ARHGAP18: variants seen among roughly 807,000 people sequenced by gnomAD.
ARHGAP18 encodes rho GTPase-activating protein 18.
A neutral mutation model predicts 86.2 loss-of-function variants in ARHGAP18; 67 were observed. The ratio of observed to expected loss-of-function variants is 0.78; its 90% CI spans 0.64 to 0.95. ARHGAP18 has a LOEUF of 0.95. Among genes scored for constraint, ARHGAP18 ranks in the 40% least tolerant of loss-of-function variants. ARHGAP18 has a pLI of 0.00. For missense variants in ARHGAP18, 691 were observed against 780.4 expected (o/e 0.89, Z 1.37); for synonymous variants, 283 against 280.4 (o/e 1.01, Z -0.09).
intron 10 of ARHGAP18, among the ~76,000 whole-genome samples, chr6:129,604,170 T>G (rs1185359330): frequency 6.6e-6 from 1 of 151,528 alleles, no homozygotes; most frequent in East Asian, 1.9e-4. Flanking sequence ...ATTACTTGTT[T>G]GCATCTTCCA....
chr6:129,644,624 T>C (rs1773542987), intron 1 of ARHGAP18, among the ~76,000 whole-genome samples: 1 of 152,222 alleles, frequency 6.6e-6, no homozygotes, highest in South Asian at 2.1e-4. Context: ...CCACAATAAG[T>C]ACTGTAAACT....
intron 6 of ARHGAP18, among the ~76,000 whole-genome samples, chr6:129,617,993 T>C (rs1749092322): frequency 6.6e-6 from 1 of 152,144 alleles, no homozygotes; most frequent in African/African-American, 2.4e-5. Context: ...GAGAATTATG[T>C]GGATTTCAAT....
chr6:129,689,227 T>C (rs9375656), intron 1 of ARHGAP18, among the ~76,000 whole-genome samples: 104,982 of 151,964 alleles, frequency 0.69, 36,774 homozygotes, highest in South Asian at 0.8. Flanking sequence ...TGAGAAGCTC[T>C]GATTTCCCTC....
At chr6:129,633,962 G>T in intron 4 of ARHGAP18, 80 bp downstream of exon 4, 2 of 1,215,838 alleles carry the variant, frequency 1.6e-6, no homozygotes, top group Non-Finnish European at 1.2e-6. Flanking sequence ...AGAATTGAAG[G>T]TAATGTTTTA....
At chr6:129,621,313 A>G (rs1275709529) in intron 5 of ARHGAP18, among the ~76,000 whole-genome samples, 1 of 152,216 alleles carries the variant, frequency 6.6e-6, no homozygotes, top group Non-Finnish European at 1.5e-5. Flanking sequence ...AACTCAATTC[A>G]AAAGAGAGCC....
rs751247222 is a variant in ARHGAP18 at position 129,600,763 on chromosome 6, G to A, written c.1451C>T (p.Pro484Leu). 2.5e-6 allele frequency: 4 copies of A among 1,613,566 alleles called. No individual in the cohort carries two copies. The highest frequency in any genetic ancestry group is 2.2e-5 in the South Asian group (2 of 91,062). ...TVMNVAMVMA[P>L]NLFMCHALGL... ...CAATGCATGACACATAAAGAGATTC[G>A]GGGCCATGACCATTGCTACATTCAT... The change falls in exon 11 of 15, where the codon CCG becomes CTG. Residue 484 changes from proline to leucine, a missense_variant. Physicochemically the swap from Pro to Leu is moderately conservative, Grantham distance 98. Coordinates refer to ENST00000368149, the MANE Select transcript of ARHGAP18 (RefSeq NM_033515.3).
rs765266143 is a variant in ARHGAP18 at position 129,629,530 on chromosome 6, C to G, written c.617-8G>C. On this transcript the variant is annotated splice_region_variant and splice_polypyrimidine_tract_variant and intron_variant, in intron 4 of 14. Coordinates refer to ENST00000368149, the MANE Select transcript of ARHGAP18 (RefSeq NM_033515.3). ...CAAGGTTAGATGCCTCGTCTAGGGG[C>G]CCGGGGGGAAAGAACCCAATTCATA... 281 of 1,599,444 alleles carry G rather than the reference C, an allele frequency of 1.8e-4. No individual in the cohort carries two copies. Among genetic ancestry groups the G allele is most frequent in the Non-Finnish European group, 2.3e-4 (275 of 1,175,792 alleles).
At chr6:129,707,650 G>GTTTTTTTT (rs57719259) in intron 1 of ARHGAP18, among the ~76,000 whole-genome samples, 19 of 107,788 alleles carry the variant, frequency 1.8e-4, no homozygotes, top group Non-Finnish European at 2.7e-4. Flanking sequence ...GTGGTTTCTT[G>GTTTTTTTT]TTTTTTTTTT....
chr6:129,601,280 G>T (rs1429635425), intron 10 of ARHGAP18, among the ~76,000 whole-genome samples: 3 of 152,184 alleles, frequency 2.0e-5, no homozygotes, highest in Non-Finnish European at 4.4e-5. Context: ...ATTTCTTTAA[G>T]GCAATCAATA....
rs1292148798 is a variant in ARHGAP18 at position 129,638,688 on chromosome 6, T to A, written c.317-59A>T. ...CAAAATATAACAACCTTTACATTTT[T>A]TAAGCTGTTAAAAATTCTTACTAAA... On this transcript the variant is annotated intron_variant, in intron 2 of 14. Coordinates refer to ENST00000368149, the MANE Select transcript of ARHGAP18 (RefSeq NM_033515.3). The A allele has an allele frequency of 6.1e-6, 9 of 1,475,964 alleles. No homozygotes were observed. The Admixed American group carries it at 1.9e-4, about 32-fold the overall frequency. 91.4% of individuals were successfully genotyped at this position (1,475,964 alleles called of 1,614,324 possible).
At position 129,607,996 on chromosome 6, in the gene ARHGAP18, A is replaced by G. The variant is rs746644557; in HGVS notation, c.1179T>C (p.Ser393=). Reference sequence around the variant, plus strand: ...GGCTGGCGGCATCATGCTGTTTGACACTTTCCCAATTAAAAGTCCCTTCAT... The same window carrying G: ...GGCTGGCGGCATCATGCTGTTTGACGCTTTCCCAATTAAAAGTCCCTTCAT... ...KFYEGTFNWE[S]VKQHDAASLL... The change falls in exon 9 of 15, where the codon AGT becomes AGC. Residue 393 remains serine, a synonymous_variant. Transcript: ENST00000368149. 24 of 1,605,208 alleles carry G rather than the reference A, an allele frequency of 1.5e-5. No homozygotes were observed. Among genetic ancestry groups the G allele is most frequent in the Middle Eastern group, 3.3e-4 (2 of 6,014 alleles).
intron 5 of ARHGAP18, among the ~76,000 whole-genome samples, chr6:129,626,065 TACACACACACACACAC>T (rs71028169): frequency 7.9e-5 from 8 of 101,532 alleles, no homozygotes; most frequent in African/African-American, 1.1e-4. Context: ...TATACACATA[TACACACACACACACAC>T]ACACACACAC....
intron 1 of ARHGAP18, among the ~76,000 whole-genome samples, chr6:129,691,321 G>A (rs183328887): frequency 2.0e-4 from 30 of 152,266 alleles, no homozygotes; most frequent in Middle Eastern, 3.4e-3. Context: ...TACAGAAAAA[G>A]AAAACTAGTA....
chr6:129,668,228 C>T (rs982177504), intron 1 of ARHGAP18, among the ~76,000 whole-genome samples: 14 of 152,052 alleles, frequency 9.2e-5, no homozygotes, highest in African/African-American at 3.4e-4. Context: ...ATGATATAAA[C>T]CCACTATTTC....
chr6:129,657,371 G>A (rs1773859733), intron 1 of ARHGAP18, among the ~76,000 whole-genome samples: 1 of 146,024 alleles, frequency 6.8e-6, no homozygotes, highest in African/African-American at 2.5e-5. Context: ...TAATTTGCAT[G>A]TTTTCTTAAT....
chr6:129,708,792 A>T (rs1342908709), intron 1 of ARHGAP18, among the ~76,000 whole-genome samples: 3 of 152,248 alleles, frequency 2.0e-5, no homozygotes, highest in Admixed American at 1.3e-4. Context: ...CATTACAGAA[A>T]AATGGATGAA....
chr6:129,669,533 C>G (rs973237119), intron 1 of ARHGAP18, among the ~76,000 whole-genome samples: 2 of 149,758 alleles, frequency 1.3e-5, no homozygotes, highest in African/African-American at 4.9e-5. Context: ...TGCCTGTAAT[C>G]CCAGCACTTT....
intron 8 of ARHGAP18, 32 bp from the exon 9 acceptor site, chr6:129,608,084 A>AAG: frequency 6.6e-7 from 1 of 1,524,346 alleles, no homozygotes; most frequent in Non-Finnish European, 8.8e-7. Context: ...AAAAAAAAAA[A>AAG]AAGAAGCAGC....
chr6:129,625,208 GTAAT>G lies in ARHGAP18; in HGVS notation c.786+4141_786+4144del, dbSNP rs1174061228. ...TATTATATATGATATATATTTATAT[GTAAT>G]ATATATGATATATGATATATGATAT... On this transcript the variant is annotated intron_variant, in intron 5 of 14. Coordinates refer to ENST00000368149, the MANE Select transcript of ARHGAP18 (RefSeq NM_033515.3). Among the ~76,000 whole-genome samples the G allele has an allele frequency of 1.4e-3, 64 of 45,416 alleles. 2 individuals carry two copies. The highest frequency in any genetic ancestry group is 7.0e-3 in the African/African-American group (55 of 7,816). 29.8% of individuals were successfully genotyped at this position (45,416 alleles called of 152,430 possible).
Sources: allele counts gnomAD v4.1 joint callset (sites outside exome capture counted in the v4.1 genomes callset), GRCh38; gene constraint gnomAD v4.1.1; transcripts MANE v1.5; gene names NCBI Gene and HGNC (gene_info 2026-07-23, HGNC 2026-07-21).